Variants in ITGA5 observed in about 807,000 individuals in gnomAD.
ITGA5 encodes integrin alpha-5.
ITGA5 carries 55 observed loss-of-function variants against 146.3 expected under a neutral mutation model. The ratio of observed to expected loss-of-function variants is 0.38; its 90% CI spans 0.30 to 0.47. The LOEUF is 0.47. Ranked by LOEUF, ITGA5 falls within the 20% of genes least tolerant of loss-of-function variation. ITGA5 has a pLI of 0.99. For synonymous variants in ITGA5, 500 were observed against 531.8 expected (o/e 0.94, Z 0.82); for missense variants, 1,131 against 1,329.0 (o/e 0.85, Z 2.32).
rs757032816 is a variant in ITGA5, at chr12:54,401,429, G to A, written c.2437C>T (p.Arg813Ter). ...TCCTCCTCCTTCTGAGGCTGGTCTC[G>A]GGGATGCCAGTCGCTTACTGGGAAT... The part of the protein sequence containing the change: ...VLFPVSDWHP[R>*]DQPQKEEDLG... The change falls in exon 24 of 30, where the codon CGA becomes TGA. Residue 813 changes from arginine (R) to a stop codon, truncating the protein, a stop_gained. Transcript: ENST00000293379. LOFTEE classifies it high-confidence loss of function. This position sits in a 1 kb window ranked among gnomAD's most constrained non-coding sequence, Gnocchi z 5.0. 5 of 1,614,074 alleles carry A rather than the reference G, an allele frequency of 3.1e-6. No homozygotes were observed. Among genetic ancestry groups the A allele is most frequent in the South Asian group, 1.1e-5 (1 of 91,064 alleles).
rs573088233 is a variant in ITGA5, at chr12:54,417,315, G to C, written c.218+1666C>G. Among the ~76,000 whole-genome samples, 3 of 152,140 alleles carry C rather than the reference G, an allele frequency of 2.0e-5. No homozygotes were observed. The East Asian group carries it at 5.8e-4, about 29-fold the overall frequency. On this transcript the variant is annotated intron_variant, in intron 1 of 29. Coordinates refer to ENST00000293379, the MANE Select transcript of ITGA5 (RefSeq NM_002205.5). ...GAGAAGGTTAAATGCCAGACAACTA[G>C]ATACTCTGATCTGCGGGAGGAGACC...
Position 54,408,890 on chromosome 12 carries a change from C to G in ITGA5, c.645+3G>C. The G allele has an allele frequency of 1.2e-6, 2 of 1,614,108 alleles. No homozygotes were observed. Among genetic ancestry groups the G allele is most frequent in the Non-Finnish European group, 1.7e-6 (2 of 1,179,992 alleles). On this transcript the variant is annotated splice_donor_region_variant and intron_variant, in intron 5 of 29. Coordinates refer to ENST00000293379, the MANE Select transcript of ITGA5 (RefSeq NM_002205.5). ...CCCCTTCTCTCCCAGACCACTCTCT[C>G]ACCTTGGTGAACTCGGCACTGAAGC...
Position 54,405,219 on chromosome 12 carries a change from C to T in ITGA5, c.1172G>A (p.Arg391Gln), listed in dbSNP as rs747517291. ...LTLTGHDEFG[R>Q]FGSSLTPLGD... ...CAGGGGGGTCAAGGAGCTGCCAAAT[C>T]GGCCAAACTCATCATGGCCAGTGAG... The change falls in exon 12 of 30, where the codon CGA becomes CAA. Residue 391 changes from arginine to glutamine, a missense_variant. By Grantham distance (43) the Arg-to-Gln change is conservative. Coordinates refer to ENST00000293379, the MANE Select transcript of ITGA5 (RefSeq NM_002205.5). 21 of 1,612,502 alleles carry T rather than the reference C, an allele frequency of 1.3e-5. No homozygotes were observed. Among genetic ancestry groups the T allele is most frequent in the African/African-American group, 4.0e-5 (3 of 75,002 alleles).
intron 1 of ITGA5, among the ~76,000 whole-genome samples, chr12:54,414,502 AT>A (rs1955981338): frequency 6.6e-6 from 1 of 152,126 alleles, no homozygotes; most frequent in Non-Finnish European, 1.5e-5. Flanking sequence ...TGGTTATCTC[AT>A]GCTGGTCAGA....
Position 54,401,562 on chromosome 12 carries a change from A to T in ITGA5, c.2387+23T>A. 1 of 1,611,534 alleles carries T rather than the reference A, an allele frequency of 6.2e-7. No homozygotes were observed. The highest frequency in any genetic ancestry group is 8.5e-7 in the Non-Finnish European group (1 of 1,178,408). On this transcript the variant is annotated intron_variant, in intron 23 of 29. Transcript: ENST00000293379. This position sits in a 1 kb window ranked among gnomAD's most constrained non-coding sequence, Gnocchi z 5.0. ...GAAGTCTGTGTCCCCTCTCAGAAAGACCCCATTTTGCCTGGCACTGACCCG... is the reference window on the plus strand; with the variant it reads ...GAAGTCTGTGTCCCCTCTCAGAAAGTCCCCATTTTGCCTGGCACTGACCCG...
chr12:54,418,674 C>T (rs1956038979), intron 1 of ITGA5, among the ~76,000 whole-genome samples: 1 of 151,390 alleles, frequency 6.6e-6, no homozygotes, highest in Non-Finnish European at 1.5e-5. Flanking sequence ...CTCAGCTCTC[C>T]ATTCACGCGC....
Position 54,401,137 on chromosome 12 carries a change from G to A in ITGA5, c.2494-142C>T. On this transcript the variant is annotated intron_variant, in intron 24 of 29. Transcript: ENST00000293379. This position sits in a 1 kb window ranked among gnomAD's most constrained non-coding sequence, Gnocchi z 5.0. Reference sequence around the variant, plus strand: ...AAGCAGGGAAGCAATGGGCAGAGGTGAAATCCTCTCTAGCCAACACTTTTG... The same window carrying A: ...AAGCAGGGAAGCAATGGGCAGAGGTAAAATCCTCTCTAGCCAACACTTTTG... 2 of 920,638 alleles carry A rather than the reference G, an allele frequency of 2.2e-6. No homozygotes were observed. The highest frequency in any genetic ancestry group is 1.6e-6 in the Non-Finnish European group (1 of 612,550). 57.0% of individuals were successfully genotyped at this position (920,638 alleles called of 1,614,324 possible).
At chr12:54,398,538 C>T (rs1431521872) in intron 28 of ITGA5, 59 bp downstream of exon 28, 1 of 1,260,304 alleles carries the variant, frequency 7.9e-7, no homozygotes, top group Non-Finnish European at 1.1e-6. Flanking sequence ...AAGTCCCAGC[C>T]CTGTTCCAGC....
intron 1 of ITGA5, among the ~76,000 whole-genome samples, chr12:54,417,118 C>T (rs189489005): frequency 1.5e-4 from 23 of 151,574 alleles, no homozygotes; most frequent in Admixed American, 1.2e-3. Context: ...GGGAGATGAG[C>T]AGAAGGGGAG....
In ITGA5 at chr12:54,405,678, G is replaced by A. The variant is rs553785363; in HGVS notation, c.1002C>T (p.Asp334=). 3.8e-5 allele frequency: 61 copies of A among 1,613,798 alleles called. No individual in the cohort carries two copies. The South Asian group carries it at 4.5e-4, about 12-fold the overall frequency. ...SYFGYAVAAT[D]VNGDGLDDLL... is the part of the protein sequence containing the mutation. The stretch of plus-strand genomic sequence containing the variant: ...CCACCACTCACCCGTCCCCATTGAC[G>A]TCTGTGGCGGCCACTGCATAGCCAA... The change falls in exon 11 of 30, where the codon GAC becomes GAT. Residue 334 remains aspartate, a synonymous_variant. Coordinates refer to ENST00000293379, the MANE Select transcript of ITGA5 (RefSeq NM_002205.5).
chr12:54,402,144 T>C (rs1955794714), intron 20 of ITGA5, 36 bp downstream of exon 20: 1 of 1,613,104 alleles, frequency 6.2e-7, no homozygotes, highest in African/African-American at 1.3e-5. Flanking sequence ...TCTAGAGGGG[T>C]ATCCTCCCAA....
intron 27 of ITGA5, among the ~76,000 whole-genome samples, chr12:54,399,148 G>A (rs760643031): frequency 1.3e-5 from 2 of 152,050 alleles, no homozygotes; most frequent in African/African-American, 4.8e-5. Context: ...TGCCTGGCCC[G>A]TGAGCTTCTC....
Position 54,403,108 on chromosome 12 carries a change from T to C in ITGA5, c.1915-58A>G. 1.2e-6 allele frequency: 2 copies of C among 1,607,924 alleles called. No homozygotes were observed. Among genetic ancestry groups the C allele is most frequent in the Non-Finnish European group, 1.7e-6 (2 of 1,176,710 alleles). On this transcript the variant is annotated intron_variant, in intron 18 of 29. Transcript: ENST00000293379. This position sits in a 1 kb window ranked among gnomAD's most constrained non-coding sequence, Gnocchi z 4.9. ...TTAGACCCATTCCTGGGCTGTAGGC[T>C]CTTCTCTTTCCATGGCCCTGCCCCC...
At chr12:54,411,565 C>T (rs1335349618) in intron 2 of ITGA5, among the ~76,000 whole-genome samples, 1 of 152,208 alleles carries the variant, frequency 6.6e-6, no homozygotes, top group Non-Finnish European at 1.5e-5. Flanking sequence ...GTGTTACGGC[C>T]CTGGCCTCCC....
At position 54,402,887 on chromosome 12, in the gene ITGA5, A is replaced by G. The variant is rs1339238819; in HGVS notation, c.1982+96T>C. The G allele has an allele frequency of 4.2e-6, 4 of 951,840 alleles. No homozygotes were observed. In the East Asian group the frequency reaches 7.2e-5, roughly 17 times the overall value. 59.0% of individuals were successfully genotyped at this position (951,840 alleles called of 1,614,324 possible). A position where few individuals can be genotyped will look rare whatever the true frequency, so the allele number is the denominator to read the frequency against. Reference sequence around the variant, plus strand: ...GAGTTAAAGCTCAGAGCAGCTCAGCAACTTCCCAAGGCGACACAGCTAGTA... The same window carrying G: ...GAGTTAAAGCTCAGAGCAGCTCAGCGACTTCCCAAGGCGACACAGCTAGTA... On this transcript the variant is annotated intron_variant, in intron 19 of 29. Transcript: ENST00000293379.
At chr12:54,398,359 A>T (rs139746513) in intron 28 of ITGA5, among the ~76,000 whole-genome samples, 1 of 152,198 alleles carries the variant, frequency 6.6e-6, no homozygotes, top group Non-Finnish European at 1.5e-5. Flanking sequence ...ATGTGTTTTC[A>T]TAAATATCAC....
At position 54,409,011 on chromosome 12, in the gene ITGA5, G is replaced by A. The variant is rs1955905557; in HGVS notation, c.584-57C>T. 5 of 1,550,352 alleles carry A rather than the reference G, an allele frequency of 3.2e-6. No homozygotes were observed. In the Admixed American group the frequency reaches 8.4e-5, roughly 26 times the overall value. On this transcript the variant is annotated intron_variant, in intron 4 of 29. Coordinates refer to ENST00000293379, the MANE Select transcript of ITGA5 (RefSeq NM_002205.5). This position sits in a 1 kb window ranked among gnomAD's most constrained non-coding sequence, Gnocchi z 4.7. ...CTGCATAGATGGGTCATCCAGGAAA[G>A]AAGAGAGGGCATAGGGAAGGAGGTG...
At position 54,401,526 on chromosome 12, in the gene ITGA5, A is replaced by G. The variant is rs1955784000; in HGVS notation, c.2388-48T>C. ...GGAGGGTGGAAGGAACCCCATATGC[A>G]TCCTTCCCTAGAAGTCTGTGTCCCC... On this transcript the variant is annotated intron_variant, in intron 23 of 29. Transcript: ENST00000293379. The surrounding 1 kb of genome is among the most constrained non-coding windows in gnomAD (Gnocchi z 5.0). 9 of 1,585,834 alleles carry G rather than the reference A, an allele frequency of 5.7e-6. No individual in the cohort carries two copies. In the East Asian group the frequency reaches 1.8e-4, roughly 31 times the overall value.
rs1955912258 is a variant in ITGA5, at chr12:54,409,398, G to C, written c.463-46C>G. The C allele has an allele frequency of 8.1e-6, 13 of 1,607,890 alleles. No homozygotes were observed. Among genetic ancestry groups the C allele is most frequent in the Non-Finnish European group, 9.3e-6 (11 of 1,177,226 alleles). On this transcript the variant is annotated intron_variant, in intron 3 of 29. Coordinates refer to ENST00000293379, the MANE Select transcript of ITGA5 (RefSeq NM_002205.5). The surrounding 1 kb of genome is among the most constrained non-coding windows in gnomAD (Gnocchi z 4.7). The stretch of plus-strand genomic sequence containing the variant: ...GGGCCTTCAGATTCAGTCCAATAAG[G>C]CCCTTCCTCCCTCCCTCCAGGCCCG...
Sources: allele counts gnomAD v4.1 joint callset (sites outside exome capture counted in the v4.1 genomes callset), GRCh38; gene constraint gnomAD v4.1.1; non-coding constraint Gnocchi (gnomAD v3.1); transcripts MANE v1.5; gene names NCBI Gene and HGNC (gene_info 2026-07-23, HGNC 2026-07-21).